The following SUSD6 variants were observed in gnomAD, a reference collection of about 807,000 sequenced individuals.
The protein encoded by SUSD6 is sushi domain containing 6.
A neutral mutation model predicts 28.4 loss-of-function variants in SUSD6; 16 were observed. That is an observed-to-expected ratio of 0.56 (90% confidence interval 0.38 to 0.86). The LOEUF (loss-of-function observed/expected upper bound fraction) is 0.86. SUSD6 is among the 40% of genes least tolerant of loss of function. SUSD6 has a pLI of 0.00. For synonymous variants in SUSD6, 147 were observed against 159.6 expected (o/e 0.92, Z 0.59); for missense variants, 341 against 384.2 (o/e 0.89, Z 0.94).
At chr14:69,676,378 CTT>C (rs752145702) in intron 2 of SUSD6, among the ~76,000 whole-genome samples, 2 of 143,662 alleles carry the variant, frequency 1.4e-5, no homozygotes, top group Non-Finnish European at 1.5e-5. Context: ...TGTGCTTTTT[CTT>C]TTTTTTTTTT....
At chr14:69,682,103 G>T (rs1234576708) in intron 2 of SUSD6, among the ~76,000 whole-genome samples, 4 of 152,098 alleles carry the variant, frequency 2.6e-5, no homozygotes, top group Admixed American at 2.6e-4. Context: ...AGGCCAAGGT[G>T]GGAAGACCAC....
chr14:69,706,333 A>G (rs1365878197), intron 4 of SUSD6, among the ~76,000 whole-genome samples: 2 of 138,480 alleles, frequency 1.4e-5, no homozygotes, highest in East Asian at 5.3e-4. Flanking sequence ...TGATTTGAGT[A>G]GAGGGGAGAT....
At position 69,620,172 on chromosome 14, in the gene SUSD6, G is replaced by A. The variant is rs367610238; in HGVS notation, c.-81+8344G>A. On this transcript the variant is annotated intron_variant, in intron 1 of 5. Transcript: ENST00000342745. ...TGCCTCCAGGTAGAAACTCTGCCAT[G>A]GGAAGACCGTCTGCCTCCTTGTTTC... Among the ~76,000 whole-genome samples, 357 of 152,304 alleles carry A rather than the reference G, an allele frequency of 2.3e-3. 3 individuals are homozygous for A. The highest frequency in any genetic ancestry group is 8.2e-3 in the African/African-American group (341 of 41,562).
rs1056079591 is a variant in SUSD6 at position 69,713,471 on chromosome 14, CTG to C, written c.*2495_*2496del. ...CTCATTCTCCCCTCACTGCTGAAGT[CTG>C]TGACAGCTTCTTCCTCCAGTTATGT... On this transcript the variant is annotated 3_prime_UTR_variant, in exon 6 of 6. Transcript: ENST00000342745. The C allele has an allele frequency of 2.6e-5, 4 of 152,362 alleles. No homozygotes were observed. Among genetic ancestry groups the C allele is most frequent in the African/African-American group, 9.6e-5 (4 of 41,478 alleles). The allele number at this position is 152,362 out of a possible 1,614,324, so 9.4% of individuals were successfully genotyped here.
At position 69,714,386 on chromosome 14, in the gene SUSD6, T is replaced by G. The variant is rs1487765160; in HGVS notation, c.*3407T>G. The stretch of plus-strand genomic sequence containing the variant: ...TCGCCTCCATTTCCGAGGAACATCC[T>G]TGCGTAGAGAATGAAATATGCTGCA... On this transcript the variant is annotated 3_prime_UTR_variant, in exon 6 of 6. Coordinates refer to ENST00000342745, the MANE Select transcript of SUSD6 (RefSeq NM_014734.4). The G allele has an allele frequency of 6.6e-6, 1 of 152,194 alleles. No homozygotes were observed. The highest frequency in any genetic ancestry group is 1.9e-4 in the East Asian group (1 of 5,188). 9.4% of individuals were successfully genotyped at this position (152,194 alleles called of 1,614,324 possible). A position where few individuals can be genotyped will look rare whatever the true frequency, so the allele number is the denominator to read the frequency against.
intron 1 of SUSD6, among the ~76,000 whole-genome samples, chr14:69,612,897 C>T (rs1249074239): frequency 6.6e-6 from 1 of 152,180 alleles, no homozygotes; most frequent in Non-Finnish European, 1.5e-5. Context: ...TGTTTTCGTT[C>T]CTCTGGTGTA....
chr14:69,654,771 CTTTTTTT>C (rs747847939), intron 1 of SUSD6, among the ~76,000 whole-genome samples: 2 of 122,448 alleles, frequency 1.6e-5, no homozygotes, highest in Non-Finnish European at 3.2e-5. Context: ...TTACCAATTT[CTTTTTTT>C]TTTTTTTTTT....
chr14:69,698,691 G>A (rs1274974381), intron 2 of SUSD6, among the ~76,000 whole-genome samples: 4 of 152,130 alleles, frequency 2.6e-5, no homozygotes, highest in South Asian at 2.1e-4. Flanking sequence ...AGGCTGAGGC[G>A]ACGGAGGTGG....
intron 2 of SUSD6, among the ~76,000 whole-genome samples, chr14:69,659,369 A>G (rs1885630094): frequency 1.3e-5 from 2 of 152,182 alleles, no homozygotes; most frequent in African/African-American, 4.8e-5. Context: ...CATCAGATGA[A>G]TGGGTTTACC....
intron 2 of SUSD6, among the ~76,000 whole-genome samples, chr14:69,700,882 CTGT>C (rs1472007997): frequency 6.6e-6 from 1 of 152,104 alleles, no homozygotes; most frequent in Non-Finnish European, 1.5e-5. Flanking sequence ...TCCCATGAGT[CTGT>C]TTTTTTTGTT....
intron 1 of SUSD6, among the ~76,000 whole-genome samples, chr14:69,629,353 G>A (rs1042959231): frequency 6.6e-6 from 1 of 152,148 alleles, no homozygotes; most frequent in Non-Finnish European, 1.5e-5. Flanking sequence ...GGCCCCCACA[G>A]GAAGCCTTTT....
chr14:69,683,206 G>C (rs989245803), intron 2 of SUSD6, among the ~76,000 whole-genome samples: 1 of 152,118 alleles, frequency 6.6e-6, no homozygotes, highest in Non-Finnish European at 1.5e-5. Context: ...TGTAGGAGGA[G>C]AGGCTCCCTG....
rs58291537 is a variant in SUSD6 at position 69,616,922 on chromosome 14, C to G, written c.-81+5094C>G. Among the ~76,000 whole-genome samples, 1,441 of 152,082 alleles carry G rather than the reference C, an allele frequency of 9.5e-3. 26 individuals are homozygous for G. The highest frequency in any genetic ancestry group is 0.033 in the African/African-American group (1,358 of 41,472). On this transcript the variant is annotated intron_variant, in intron 1 of 5. Transcript: ENST00000342745. ...TCTAATTTTGCAACATTTTCATCAC[C>G]CCAAAAAGTCACTCCCTATTTCTCT...
chr14:69,708,909 G>A lies in SUSD6; in HGVS notation c.691G>A (p.Glu231Lys), dbSNP rs757229093. 9 of 1,614,176 alleles carry A rather than the reference G, an allele frequency of 5.6e-6. No individual in the cohort carries two copies. In the East Asian group the frequency reaches 2.0e-4, roughly 36 times the overall value. Residue 231 changes from glutamate to lysine, a missense_variant, in exon 5 of 6, where the codon GAG (glutamate) becomes AAG (lysine). Glu to Lys is a moderately conservative substitution (Grantham distance 56). Coordinates refer to ENST00000342745, the MANE Select transcript of SUSD6 (RefSeq NM_014734.4). ...GACSSAGGED[E>K]APGQSGLCEA... The stretch of plus-strand genomic sequence containing the variant: ...CTGCTCCTCTGCAGGTGGAGAAGAT[G>A]AGGCCCCAGGCCAGTCTGGACTATG...
intron 4 of SUSD6, among the ~76,000 whole-genome samples, chr14:69,707,188 T>G (rs1048953730): frequency 6.6e-6 from 1 of 152,208 alleles, no homozygotes; most frequent in Non-Finnish European, 1.5e-5. Flanking sequence ...TAGGAAAATT[T>G]GTGTTATTGT....
Position 69,712,239 on chromosome 14 carries a change from TG to T in SUSD6, c.*1265del, listed in dbSNP as rs1566609984. 1 of 152,532 alleles carries T rather than the reference TG, an allele frequency of 6.6e-6. No individual in the cohort carries two copies. The highest frequency in any genetic ancestry group is 1.5e-5 in the Non-Finnish European group (1 of 68,210). 9.4% of individuals were successfully genotyped at this position (152,532 alleles called of 1,614,324 possible). A position where few individuals can be genotyped will look rare whatever the true frequency, so the allele number is the denominator to read the frequency against. On this transcript the variant is annotated 3_prime_UTR_variant, in exon 6 of 6. Transcript: ENST00000342745. ...CAATTCCTTGTCTTCCCTGGCCCCC[TG>T]GGGGAAGGGCTGAGAAACAGTCCGT...
chr14:69,638,727 A>T (rs1885302310), intron 1 of SUSD6, among the ~76,000 whole-genome samples: 1 of 152,124 alleles, frequency 6.6e-6, no homozygotes, highest in African/African-American at 2.4e-5. Flanking sequence ...CCATACTTTG[A>T]ATAGTAAGGC....
intron 1 of SUSD6, among the ~76,000 whole-genome samples, chr14:69,640,509 T>C (rs575006667): frequency 1.3e-5 from 2 of 152,188 alleles, no homozygotes; most frequent in South Asian, 4.1e-4. Flanking sequence ...TGATTTTCTT[T>C]TTATTTTTTG....
intron 1 of SUSD6, among the ~76,000 whole-genome samples, chr14:69,619,777 A>C (rs1414978601): frequency 6.6e-6 from 1 of 151,130 alleles, no homozygotes; most frequent in Non-Finnish European, 1.5e-5. Flanking sequence ...GTCTCAAAAC[A>C]AACAAACAAA....
Sources: allele counts gnomAD v4.1 joint callset (sites outside exome capture counted in the v4.1 genomes callset), GRCh38; gene constraint gnomAD v4.1.1; transcripts MANE v1.5; gene names NCBI Gene and HGNC (gene_info 2026-07-23, HGNC 2026-07-21).